The following MCTP1 variants were observed in gnomAD, a reference collection of about 807,000 sequenced individuals.
The protein encoded by MCTP1 is multiple C2 and transmembrane domain-containing protein 1.
Under a neutral mutation model 120.6 loss-of-function variants are expected in MCTP1, and 69 were observed. The ratio of observed to expected loss-of-function variants is 0.57; its 90% confidence interval spans 0.47 to 0.70. MCTP1 has a LOEUF of 0.70. MCTP1 is among the 30% of genes least tolerant of loss of function. MCTP1 has a pLI of 0.00. For missense variants in MCTP1, 1,203 were observed against 1,248.8 expected (o/e 0.96, Z 0.55); for synonymous variants, 529 against 493.1 (o/e 1.07, Z -0.96).
chr5:95,251,936 A>G (rs1445463125), intron 1 of MCTP1, among the ~76,000 whole-genome samples: 1 of 152,114 alleles, frequency 6.6e-6, no homozygotes, highest in Non-Finnish European at 1.5e-5. Context: ...ATCTTTTCCC[A>G]ACCCAGAAAA....
chr5:94,796,623 A>T (rs1482272768), intron 18 of MCTP1, among the ~76,000 whole-genome samples: 77 of 92,682 alleles, frequency 8.3e-4, no homozygotes, highest in African/African-American at 2.2e-3. Flanking sequence ...TAATATATAT[A>T]ATATATATTA....
intron 17 of MCTP1, among the ~76,000 whole-genome samples, chr5:94,856,574 G>C (rs1049310464): frequency 1.3e-5 from 2 of 151,532 alleles, no homozygotes; most frequent in African/African-American, 2.4e-5. Context: ...ATTGCATTCA[G>C]ACTTGGTTTA....
intron 1 of MCTP1, among the ~76,000 whole-genome samples, chr5:95,128,017 C>T (rs927379012): frequency 3.3e-5 from 5 of 152,092 alleles, no homozygotes; most frequent in South Asian, 2.1e-4. Context: ...GAAAGCCATG[C>T]GAGGGCTTAA....
intron 9 of MCTP1, among the ~76,000 whole-genome samples, chr5:94,910,219 T>TGTGC: frequency 6.6e-6 from 1 of 151,490 alleles, no homozygotes; most frequent in East Asian, 1.9e-4. Context: ...CATATATGTG[T>TGTGC]ATACATATAT....
chr5:95,137,463 T>A (rs1031888182), intron 1 of MCTP1, among the ~76,000 whole-genome samples: 1 of 152,150 alleles, frequency 6.6e-6, no homozygotes, highest in Non-Finnish European at 1.5e-5. Flanking sequence ...TTAAACAGTA[T>A]CCCCCAAAAC....
intron 2 of MCTP1, among the ~76,000 whole-genome samples, chr5:94,955,790 C>A (rs1346628230): frequency 2.6e-5 from 4 of 152,204 alleles, no homozygotes; most frequent in African/African-American, 9.7e-5. Context: ...ATAAAACTCC[C>A]TTCTCCCTGG....
At chr5:95,098,195 T>A (rs1013571664) in intron 1 of MCTP1, among the ~76,000 whole-genome samples, 1 of 152,206 alleles carries the variant, frequency 6.6e-6, no homozygotes, top group Admixed American at 6.5e-5. Flanking sequence ...TTTACACATA[T>A]GAGTCACCTT....
At chr5:95,113,350 AC>A (rs1177069714) in intron 1 of MCTP1, among the ~76,000 whole-genome samples, 7 of 152,092 alleles carry the variant, frequency 4.6e-5, no homozygotes, top group Non-Finnish European at 7.3e-5. Context: ...CCATGTTTTA[AC>A]TTCATGTTAC....
intron 1 of MCTP1, among the ~76,000 whole-genome samples, chr5:95,036,165 C>T (rs1475487269): frequency 1.3e-5 from 2 of 152,140 alleles, no homozygotes; most frequent in African/African-American, 4.8e-5. Context: ...AGGCATACTG[C>T]ACTAACTTGT....
chr5:94,897,750 CTTG>C (rs541749685), intron 10 of MCTP1, among the ~76,000 whole-genome samples: 109 of 152,190 alleles, frequency 7.2e-4, no homozygotes, highest in Non-Finnish European at 1.1e-3. Flanking sequence ...GTCACAGGGT[CTTG>C]TTGTACAGAT....
chr5:95,270,874 G>A (rs1759326516), intron 1 of MCTP1, among the ~76,000 whole-genome samples: 2 of 151,502 alleles, frequency 1.3e-5, no homozygotes, highest in African/African-American at 2.4e-5. Context: ...AGGTTGCAGT[G>A]AGCCGAGATT....
intron 1 of MCTP1, among the ~76,000 whole-genome samples, chr5:95,022,098 G>T (rs936602594): frequency 2.0e-5 from 3 of 152,106 alleles, no homozygotes; most frequent in African/African-American, 4.8e-5. Context: ...GTACAATCAT[G>T]ATTATGTTCA....
chr5:95,022,039 T>C (rs1838286977), intron 1 of MCTP1, among the ~76,000 whole-genome samples: 1 of 152,184 alleles, frequency 6.6e-6, no homozygotes, highest in Non-Finnish European at 1.5e-5. Flanking sequence ...ATCATCTTCA[T>C]ATTTCCAGAG....
intron 12 of MCTP1, among the ~76,000 whole-genome samples, chr5:94,878,551 A>G (rs1202109123): frequency 6.6e-6 from 1 of 152,020 alleles, no homozygotes; most frequent in Non-Finnish European, 1.5e-5. Context: ...CCTTTTTACT[A>G]TCCTGGAATA....
intron 1 of MCTP1, among the ~76,000 whole-genome samples, chr5:95,126,079 C>T (rs1373984856): frequency 6.6e-6 from 1 of 151,984 alleles, no homozygotes; most frequent in Non-Finnish European, 1.5e-5. Context: ...TTTTGTTTTG[C>T]TTTAAATTTA....
intron 1 of MCTP1, among the ~76,000 whole-genome samples, chr5:95,045,057 C>T (rs13177411): frequency 6.6e-6 from 1 of 152,154 alleles, no homozygotes; most frequent in Non-Finnish European, 1.5e-5. Context: ...TCACCAACTT[C>T]TCCAATTTCA....
intron 10 of MCTP1, among the ~76,000 whole-genome samples, chr5:94,904,013 G>T (rs904499189): frequency 6.6e-5 from 10 of 152,156 alleles, no homozygotes; most frequent in African/African-American, 2.4e-4. Flanking sequence ...TATCGTAAAG[G>T]GGGCAGTCCG....
chr5:95,029,990 G>A (rs1323350818), intron 1 of MCTP1, among the ~76,000 whole-genome samples: 1 of 152,164 alleles, frequency 6.6e-6, no homozygotes, highest in Non-Finnish European at 1.5e-5. Context: ...GAACGGCAGC[G>A]TTCTAGCAAG....
intron 1 of MCTP1, among the ~76,000 whole-genome samples, chr5:95,212,275 A>T (rs1249966238): frequency 6.6e-6 from 1 of 152,124 alleles, no homozygotes; most frequent in Non-Finnish European, 1.5e-5. Context: ...AGAATGGATA[A>T]ATTCCTCCAC....
Sources: allele counts gnomAD v4.1 joint callset (sites outside exome capture counted in the v4.1 genomes callset), GRCh38; gene constraint gnomAD v4.1.1; transcripts MANE v1.5; gene names NCBI Gene and HGNC (gene_info 2026-07-23, HGNC 2026-07-21).